The following PPARGC1A variants were observed in gnomAD, a reference collection of about 807,000 sequenced individuals.
PPARGC1A encodes the protein PPARG coactivator 1 alpha, also known as peroxisome proliferator-activated receptor gamma coactivator 1-alpha.
In PPARGC1A, 25 loss-of-function variants were observed where a neutral mutation model predicts 88.7. That is an observed-to-expected ratio of 0.28 (90% confidence interval 0.21 to 0.39). The LOEUF (loss-of-function observed/expected upper bound fraction) is 0.39. Ranked by LOEUF, PPARGC1A falls within the 10% of genes least tolerant of loss-of-function variation. PPARGC1A has a pLI of 1.00. For missense variants in PPARGC1A, 880 were observed against 968.7 expected, an observed-to-expected ratio of 0.91 and a Z score of 1.22; for synonymous variants, 363 against 355.6, an observed-to-expected ratio of 1.02 and a Z score of -0.24.
chr4:23,989,814 T>C, the PPARGC1A span, among the ~76,000 whole-genome samples: 1 of 151,614 alleles, frequency 6.6e-6, no homozygotes, highest in Non-Finnish European at 1.5e-5. Flanking sequence ...GGCTATTCTT[T>C]GACAAGATTT....
chr4:24,241,585 A>G, the PPARGC1A span, among the ~76,000 whole-genome samples: 1 of 152,208 alleles, frequency 6.6e-6, no homozygotes. Context: ...CCATTCTTAT[A>G]CCCATTAAAA....
the PPARGC1A span, among the ~76,000 whole-genome samples, chr4:23,996,938 C>T: frequency 1.3e-5 from 2 of 152,184 alleles, no homozygotes; most frequent in African/African-American, 4.8e-5. Flanking sequence ...CAGCTTTGAT[C>T]AATGAGTATT....
At chr4:23,920,979 G>T in the PPARGC1A span, among the ~76,000 whole-genome samples, 1 of 151,982 alleles carries the variant, frequency 6.6e-6, no homozygotes, top group South Asian at 2.1e-4. Context: ...CAGCAAGGAG[G>T]CTAGAGGACA....
chr4:24,118,917 T>A, the PPARGC1A span, among the ~76,000 whole-genome samples: 1 of 152,174 alleles, frequency 6.6e-6, no homozygotes, highest in Admixed American at 6.5e-5. Flanking sequence ...AAAAAAAATG[T>A]CAATGCAATC....
chr4:23,795,664 G>A lies in PPARGC1A; in HGVS notation c.*158C>T. 1.8e-6 allele frequency: 1 copy of A among 566,046 alleles called. No homozygotes were observed. The highest frequency in any genetic ancestry group is 3.1e-6 in the Non-Finnish European group (1 of 325,568). 35.1% of individuals were successfully genotyped at this position (566,046 alleles called of 1,614,324 possible). On this transcript the variant is annotated 3_prime_UTR_variant, in exon 13 of 13. Coordinates refer to ENST00000264867, the MANE Select transcript of PPARGC1A (RefSeq NM_013261.5). ...GTAAACCATTGTTGTTATTGTTGTT[G>A]TTGTTCTTGTTGTATTGTTGTTGTT...
chr4:23,826,830 C>A (rs1349449578), intron 5 of PPARGC1A, among the ~76,000 whole-genome samples: 1 of 151,844 alleles, frequency 6.6e-6, no homozygotes, highest in African/African-American at 2.4e-5. Flanking sequence ...CTATTTAATT[C>A]TTCATTGTCA....
At chr4:24,250,815 C>T in the PPARGC1A span, among the ~76,000 whole-genome samples, 724 of 152,302 alleles carry the variant, frequency 4.8e-3, 5 homozygotes, top group Middle Eastern at 0.01. Context: ...AAGCCTCCTA[C>T]CCTACAATAC....
chr4:24,411,399 A>G, the PPARGC1A span, among the ~76,000 whole-genome samples: 25 of 152,224 alleles, frequency 1.6e-4, 1 homozygote, highest in African/African-American at 4.8e-5. Flanking sequence ...AGCAAAATAG[A>G]GTGGCAAGTA....
chr4:23,915,700 T>C, the PPARGC1A span, among the ~76,000 whole-genome samples: 2 of 152,170 alleles, frequency 1.3e-5, no homozygotes, highest in South Asian at 4.1e-4. Flanking sequence ...AGAGAGATTT[T>C]ATTCCAAATA....
chr4:24,460,808 G>C, the PPARGC1A span, among the ~76,000 whole-genome samples: 4 of 152,186 alleles, frequency 2.6e-5, no homozygotes, highest in Non-Finnish European at 4.4e-5. Context: ...TCTCCAGCTC[G>C]AGTGGCTAAT....
At chr4:24,372,643 C>T in the PPARGC1A span, among the ~76,000 whole-genome samples, 1 of 152,120 alleles carries the variant, frequency 6.6e-6, no homozygotes, top group East Asian at 1.9e-4. Flanking sequence ...ATTTTTCTAC[C>T]GAAAAGAACT....
chr4:23,826,830 CTTCA>C (rs980008790), intron 5 of PPARGC1A, among the ~76,000 whole-genome samples: 3 of 151,844 alleles, frequency 2.0e-5, no homozygotes, highest in African/African-American at 4.8e-5. Context: ...CTATTTAATT[CTTCA>C]TTGTCATGAT....
chr4:24,424,258 CTTTTTTTTTTTTTTTTTT>C, the PPARGC1A span, among the ~76,000 whole-genome samples: 19 of 44,346 alleles, frequency 4.3e-4, 1 homozygote, highest in East Asian at 1.9e-3. Flanking sequence ...TATACACACA[CTTTTTTTTTTTTTTTTTT>C]TTTTTTTTTT....
chr4:24,059,905 C>T, the PPARGC1A span, among the ~76,000 whole-genome samples: 1 of 152,176 alleles, frequency 6.6e-6, no homozygotes, highest in African/African-American at 2.4e-5. Context: ...CCCAGTCCAC[C>T]TGGCTCTCTG....
At chr4:24,158,969 C>A in the PPARGC1A span, among the ~76,000 whole-genome samples, 1 of 151,960 alleles carries the variant, frequency 6.6e-6, no homozygotes, top group African/African-American at 2.4e-5. Context: ...CTGATAACAG[C>A]GCATGATAGT....
the PPARGC1A span, among the ~76,000 whole-genome samples, chr4:24,250,861 C>G: frequency 2.6e-5 from 4 of 152,144 alleles, no homozygotes; most frequent in Admixed American, 2.0e-4. Context: ...TACAGGATTT[C>G]TTGTTGTTTC....
At chr4:24,038,838 A>T in the PPARGC1A span, among the ~76,000 whole-genome samples, 1 of 152,164 alleles carries the variant, frequency 6.6e-6, no homozygotes, top group African/African-American at 2.4e-5. Flanking sequence ...TCAGAATCCA[A>T]ATAGAGCAAG....
At chr4:24,258,348 G>A in the PPARGC1A span, 108 of 225,126 alleles carry the variant, frequency 4.8e-4, no homozygotes, top group Non-Finnish European at 7.0e-4. Flanking sequence ...TAAATTATTC[G>A]TCCATTATGG....
chr4:24,459,279 C>G, the PPARGC1A span, among the ~76,000 whole-genome samples: 1 of 152,146 alleles, frequency 6.6e-6, no homozygotes, highest in Non-Finnish European at 1.5e-5. Flanking sequence ...CTCTGCCCAT[C>G]TAAGTTCTGA....
Sources: allele counts gnomAD v4.1 joint callset (sites outside exome capture counted in the v4.1 genomes callset), GRCh38; gene constraint gnomAD v4.1.1; transcripts MANE v1.5; gene names NCBI Gene and HGNC (gene_info 2026-07-23, HGNC 2026-07-21).